Variants in POLH observed in about 807,000 individuals in gnomAD.
POLH encodes the protein DNA polymerase eta, also known as DNA polymerase eta transcript.
Under a neutral mutation model 73.6 loss-of-function variants are expected in POLH, and 53 were observed. The observed-to-expected ratio is 0.72, with a 90% CI of 0.58 to 0.91. POLH has a LOEUF of 0.91. Ranked by LOEUF, POLH falls within the 40% of genes least tolerant of loss-of-function variation. The pLI, the probability that POLH is intolerant of heterozygous loss-of-function variation, is 0.00. For synonymous variants in POLH, 292 were observed against 308.5 expected (o/e 0.95, Z 0.56); for missense variants, 768 against 865.4 (o/e 0.89, Z 1.41).
At chr6:43,594,610 A>G (rs111387611) in intron 4 of POLH, among the ~76,000 whole-genome samples, 7,724 of 152,186 alleles carry the variant, frequency 0.051, 654 homozygotes, top group African/African-American at 0.17. Flanking sequence ...CGGAGGCTGA[A>G]GCAGGATAAT....
chr6:43,584,263 C>A (rs1764576416), intron 3 of POLH, among the ~76,000 whole-genome samples: 1 of 152,150 alleles, frequency 6.6e-6, no homozygotes, highest in Non-Finnish European at 1.5e-5. Context: ...AGGAATCATG[C>A]TTTGACTTAG....
chr6:43,594,123 A>C (rs1765782719), intron 4 of POLH, among the ~76,000 whole-genome samples: 1 of 152,176 alleles, frequency 6.6e-6, no homozygotes, highest in Admixed American at 6.5e-5. Context: ...AAATTTAAAA[A>C]TCTACATTGC....
At chr6:43,582,234 C>A in intron 1 of POLH, 82 bp from the exon 2 acceptor site, 1 of 1,263,504 alleles carries the variant, frequency 7.9e-7, no homozygotes, top group Non-Finnish European at 1.2e-6. Flanking sequence ...GGTAACTCAT[C>A]AGTGAAAGAA....
rs9296418 is a variant in POLH, at chr6:43,613,388, G to A, written c.1245-272G>A. 0.19 allele frequency among the ~76,000 whole-genome samples: 28,600 copies of A among 152,022 alleles called. 5,741 individuals are homozygous for A. The highest frequency in any genetic ancestry group is 0.51 in the African/African-American group (21,044 of 41,368). On this transcript the variant is annotated intron_variant, in intron 10 of 10. Transcript: ENST00000372236. ...TCTAGCTGTCGGGAGGTGAGTGGTT[G>A]CTAAATTAGTGGTTCTCAAGACATA...
At position 43,608,929 on chromosome 6, in the gene POLH, C is replaced by T. The variant is rs1767590500; in HGVS notation, c.1075-1625C>T. On this transcript the variant is annotated intron_variant, in intron 9 of 10. Coordinates refer to ENST00000372236, the MANE Select transcript of POLH (RefSeq NM_006502.3). ...TTCTCTGACCCCATCTCTTATCTTCCCCTCACTTATTCTAGTCTCCACTTC... is the reference window on the plus strand; with the variant it reads ...TTCTCTGACCCCATCTCTTATCTTCTCCTCACTTATTCTAGTCTCCACTTC... Among the ~76,000 whole-genome samples, 3 of 152,070 alleles carry T rather than the reference C, an allele frequency of 2.0e-5. No homozygotes were observed. In the South Asian group the frequency reaches 6.2e-4, roughly 32 times the overall value.
rs1768137127 is a variant in POLH, at chr6:43,613,770, C to G, written c.1355C>G (p.Pro452Arg). Reference sequence around the variant, plus strand: ...TTGAGCAGTGACCCAAGTTCTCTGCCAAAGGTGCCAGTTACCAGCTCAGAA... The same window carrying G: ...TTGAGCAGTGACCCAAGTTCTCTGCGAAAGGTGCCAGTTACCAGCTCAGAA... ...SFLSSDPSSL[P>R]KVPVTSSEAK... The change falls in exon 11 of 11, where the codon CCA becomes CGA. Residue 452 changes from proline to arginine, a missense_variant. By Grantham distance (103) the Pro-to-Arg change is moderately radical. Coordinates refer to ENST00000372236, the MANE Select transcript of POLH (RefSeq NM_006502.3). 6.2e-7 allele frequency: 1 copy of G among 1,613,682 alleles called. No individual in the cohort carries two copies. Among genetic ancestry groups the G allele is most frequent in the South Asian group, 1.1e-5 (1 of 91,066 alleles).
chr6:43,619,757 G>A lies in POLH; in HGVS notation c.*5200G>A, dbSNP rs1768592124. On this transcript the variant is annotated 3_prime_UTR_variant, in exon 11 of 11. Transcript: ENST00000372236. ...GCTTTCATCTCTATCAGCAGCTATAGAGAGGAAGTAAACAGCTTAGCCCCT... is the reference window on the plus strand; with the variant it reads ...GCTTTCATCTCTATCAGCAGCTATAAAGAGGAAGTAAACAGCTTAGCCCCT... Among the ~76,000 whole-genome samples, 1 of 152,198 alleles carries A rather than the reference G, an allele frequency of 6.6e-6. No homozygotes were observed.
At position 43,615,752 on chromosome 6, in the gene POLH, A is replaced by G. The variant is rs1481130466; in HGVS notation, c.*1195A>G. The G allele has an allele frequency of 6.6e-6, 1 of 151,664 alleles. No homozygotes were observed. The highest frequency in any genetic ancestry group is 2.0e-4 in the East Asian group (1 of 5,020). The allele number at this position is 151,664 out of a possible 1,614,324, so 9.4% of individuals were successfully genotyped here. On this transcript the variant is annotated 3_prime_UTR_variant, in exon 11 of 11. Transcript: ENST00000372236. ...CAGTGGTGCGTTCTCAGCTCACCGC[A>G]ACCTCCGTCTCCTGGGTTCAAGCAA... is the stretch of plus-strand genomic sequence containing the variant.
chr6:43,589,192 G>A (rs1765176224), intron 4 of POLH, among the ~76,000 whole-genome samples: 2 of 152,074 alleles, frequency 1.3e-5, no homozygotes, highest in Non-Finnish European at 2.9e-5. Context: ...GTGTCCATGT[G>A]GCTGTATTTA....
At chr6:43,584,844 C>T (rs186212313) in intron 3 of POLH, among the ~76,000 whole-genome samples, 11 of 152,138 alleles carry the variant, frequency 7.2e-5, no homozygotes, top group South Asian at 2.1e-4. Flanking sequence ...AGGGATATTA[C>T]GAAGGATACA....
rs570808948 is a variant in POLH, at chr6:43,586,615, C to T, written c.273-657C>T. On this transcript the variant is annotated intron_variant, in intron 3 of 10. Transcript: ENST00000372236. ...GTATGTATACCCTGAGGAAGGTTGTCTGCCTGCCCAGACACATCACCACAT... is the reference window on the plus strand; with the variant it reads ...GTATGTATACCCTGAGGAAGGTTGTTTGCCTGCCCAGACACATCACCACAT... Among the ~76,000 whole-genome samples, 10 of 152,232 alleles carry T rather than the reference C, an allele frequency of 6.6e-5. No homozygotes were observed. The East Asian group carries it at 2.0e-3, about 30-fold the overall frequency.
intron 9 of POLH, 123 bp downstream of exon 9, chr6:43,605,442 TC>T (rs374913224): frequency 4.8e-4 from 246 of 514,204 alleles, no homozygotes; most frequent in Middle Eastern, 7.4e-4. Flanking sequence ...CCGTTTTCTT[TC>T]TTTTTTTTTT....
In POLH at chr6:43,617,371, A is replaced by G. The variant is rs1768416433; in HGVS notation, c.*2814A>G. Among the ~76,000 whole-genome samples the G allele has an allele frequency of 6.6e-6, 1 of 151,540 alleles. No homozygotes were observed. Among genetic ancestry groups the G allele is most frequent in the Non-Finnish European group, 1.5e-5 (1 of 67,992 alleles). On this transcript the variant is annotated 3_prime_UTR_variant, in exon 11 of 11. Transcript: ENST00000372236. ...GTCAGGTGTGGTGGCTCATGCCTGTAATCCCACACTTTGGGAGGCCAAGGT... is the reference window on the plus strand; with the variant it reads ...GTCAGGTGTGGTGGCTCATGCCTGTGATCCCACACTTTGGGAGGCCAAGGT...
rs1180391924 is a variant in POLH, at chr6:43,617,845, G to A, written c.*3288G>A. Among the ~76,000 whole-genome samples the A allele has an allele frequency of 6.6e-6, 1 of 152,112 alleles. No individual in the cohort carries two copies. Among genetic ancestry groups the A allele is most frequent in the Non-Finnish European group, 1.5e-5 (1 of 68,028 alleles). ...CTGAGGCAGAAGAATTGCTTGACCT[G>A]GGAGGCGGAGCTTGCAGTGAGCCCA... On this transcript the variant is annotated 3_prime_UTR_variant, in exon 11 of 11. Coordinates refer to ENST00000372236, the MANE Select transcript of POLH (RefSeq NM_006502.3).
chr6:43,578,685 G>A (rs1483292105), intron 1 of POLH, among the ~76,000 whole-genome samples: 1 of 152,142 alleles, frequency 6.6e-6, no homozygotes, highest in East Asian at 1.9e-4. Context: ...ACTGGGAGTA[G>A]GAGAACTCTA....
At chr6:43,576,738 T>G (rs1419740574) in intron 1 of POLH, among the ~76,000 whole-genome samples, 1 of 152,238 alleles carries the variant, frequency 6.6e-6, no homozygotes, top group Non-Finnish European at 1.5e-5. Flanking sequence ...AGGGAATAAT[T>G]GCAATCAGTG....
chr6:43,577,386 T>G (rs112276575), intron 1 of POLH, among the ~76,000 whole-genome samples: 2 of 152,226 alleles, frequency 1.3e-5, no homozygotes, highest in Non-Finnish European at 2.9e-5. Context: ...TTTTTTGTGT[T>G]ACAATACTAT....
intron 3 of POLH, among the ~76,000 whole-genome samples, chr6:43,585,125 T>C (rs151231216): frequency 1.6e-4 from 24 of 152,112 alleles, no homozygotes; most frequent in African/African-American, 5.5e-4. Flanking sequence ...AACCACTGCA[T>C]GCAGCCTGGG....
intron 4 of POLH, among the ~76,000 whole-genome samples, chr6:43,593,534 TG>T (rs1310403210): frequency 6.6e-6 from 1 of 152,180 alleles, no homozygotes; most frequent in African/African-American, 2.4e-5. Flanking sequence ...CTTTTCAGGC[TG>T]GGGTGTGTGT....
Sources: gnomAD v4.1 joint callset for allele counts (sites outside exome capture counted in the v4.1 genomes callset) on GRCh38, gnomAD v4.1.1 for gene constraint, MANE v1.5 for transcripts, NCBI Gene and HGNC (gene_info 2026-07-23, HGNC 2026-07-21) for gene names.